Variants in DNAH8 observed in about 807,000 individuals in gnomAD.
The protein encoded by DNAH8 is axonemal beta dynein heavy chain 8.
A neutral mutation model predicts 562.1 loss-of-function variants in DNAH8; 382 were observed. The observed-to-expected ratio is 0.68, with a 90% CI of 0.63 to 0.74. The LOEUF is 0.74. Among genes scored for constraint, DNAH8 ranks in the 30% least tolerant of loss-of-function variants. The probability of loss-of-function intolerance (pLI) is 0.00; values close to 1 mark genes in which losing one functional copy is unlikely to be tolerated. For missense variants in DNAH8, 5,203 were observed against 5,620.4 expected (o/e 0.93, Z 2.37); for synonymous variants, 1,881 against 1,919.4 (o/e 0.98, Z 0.52).
At chr6:38,956,213 C>T (rs754960651) in intron 82 of DNAH8, among the ~76,000 whole-genome samples, 1 of 152,216 alleles carries the variant, frequency 6.6e-6, no homozygotes, top group Non-Finnish European at 1.5e-5. Flanking sequence ...ATGAAGGGCT[C>T]ATCAACCTCT....
chr6:38,940,510 G>T (rs1318332064), intron 79 of DNAH8, among the ~76,000 whole-genome samples: 1 of 152,126 alleles, frequency 6.6e-6, no homozygotes, highest in Non-Finnish European at 1.5e-5. Flanking sequence ...CACAACCAAG[G>T]TGTACTTCTC....
Position 38,875,650 on chromosome 6 carries a change from C to T in DNAH8, c.7680C>T (p.Val2560=), listed in dbSNP as rs6458080. Residue 2560 remains valine (V), a synonymous_variant, in exon 53 of 93, where the codon GTC becomes GTT. Coordinates refer to ENST00000327475, the MANE Select transcript of DNAH8 (RefSeq NM_001206927.2). ...AAGAAGAAGGCGGTGTTTCCTGTGT[C>T]GAACATCTTCATAAATTATTTGTGT... ...PSKEEGGVSC[V]EHLHKLFVFG... is the part of the protein sequence containing the mutation. 0.45 allele frequency: 720,022 copies of T among 1,611,602 alleles called. 167,200 individuals carry two copies. Among genetic ancestry groups the T allele is most frequent in the East Asian group, 0.82 (36,905 of 44,820 alleles).
chr6:38,772,645 T>A (rs986590700), intron 12 of DNAH8, among the ~76,000 whole-genome samples: 1 of 152,190 alleles, frequency 6.6e-6, no homozygotes, highest in African/African-American at 2.4e-5. Context: ...CTCTTATTTT[T>A]GGGTTATCTT....
chr6:38,768,410 G>C (rs1767230603), intron 11 of DNAH8, among the ~76,000 whole-genome samples: 2 of 151,884 alleles, frequency 1.3e-5, no homozygotes, highest in South Asian at 4.2e-4. Flanking sequence ...TGGGACCATG[G>C]GTGCATGCCA....
intron 85 of DNAH8, among the ~76,000 whole-genome samples, chr6:38,980,581 G>T (rs1763967306): frequency 6.6e-6 from 1 of 152,176 alleles, no homozygotes; most frequent in Admixed American, 6.5e-5. Context: ...AAATTCCTGG[G>T]AGAAGGGGTC....
At chr6:38,747,608 A>G (rs543618702) in intron 8 of DNAH8, among the ~76,000 whole-genome samples, 1 of 152,064 alleles carries the variant, frequency 6.6e-6, no homozygotes, top group African/African-American at 2.4e-5. Flanking sequence ...GCTGGTCTTG[A>G]ACTCCTGACC....
intron 82 of DNAH8, among the ~76,000 whole-genome samples, chr6:38,971,034 C>G (rs1763304102): frequency 6.6e-6 from 1 of 152,074 alleles, no homozygotes; most frequent in Non-Finnish European, 1.5e-5. Context: ...ACAGTTGCCC[C>G]TGAATGTACC....
intron 1 of DNAH8, among the ~76,000 whole-genome samples, chr6:38,719,562 G>GT (rs971297554): frequency 5.3e-5 from 8 of 151,898 alleles, no homozygotes; most frequent in South Asian, 2.1e-4. Flanking sequence ...GAGGACATGT[G>GT]TTTTTTTTAT....
chr6:38,856,807 A>G (rs2150399683), intron 41 of DNAH8, among the ~76,000 whole-genome samples: 1 of 152,086 alleles, frequency 6.6e-6, no homozygotes, highest in South Asian at 2.1e-4. Context: ...TTTTGGTCCA[A>G]ATGATGTTGG....
chr6:39,017,250 C>T (rs1406330825), intron 91 of DNAH8, among the ~76,000 whole-genome samples: 2 of 149,198 alleles, frequency 1.3e-5, no homozygotes, highest in African/African-American at 2.4e-5. Flanking sequence ...CAAAGGATGG[C>T]CCTGGTCTGT....
rs1554124108 is a variant in DNAH8 at position 38,874,038 on chromosome 6, TTTTCTTTC to T, written c.7620+686_7620+693del. On this transcript the variant is annotated intron_variant, in intron 52 of 92. Coordinates refer to ENST00000327475, the MANE Select transcript of DNAH8 (RefSeq NM_001206927.2). ...CCTCTTTCTTTCCCTTTTTCTTTTC[TTTTCTTTC>T]TTTCTTTCTTTCTTTCTTTCTTTTT... Among the ~76,000 whole-genome samples, 37 of 21,076 alleles carry T rather than the reference TTTTCTTTC, an allele frequency of 1.8e-3. 2 individuals carry two copies. The highest frequency in any genetic ancestry group is 4.9e-3 in the African/African-American group (33 of 6,750). The allele number at this position is 21,076 out of a possible 152,430, so 13.8% of individuals were successfully genotyped here. A position where few individuals can be genotyped will look rare whatever the true frequency, so the allele number is the denominator to read the frequency against.
chr6:38,785,139 T>A (rs1324024820), intron 17 of DNAH8, among the ~76,000 whole-genome samples: 1 of 152,208 alleles, frequency 6.6e-6, no homozygotes, highest in Non-Finnish European at 1.5e-5. Flanking sequence ...CTTTCGTGTT[T>A]TTTCACAAGT....
At chr6:38,728,410 C>T (rs548144415) in intron 3 of DNAH8, among the ~76,000 whole-genome samples, 1 of 152,126 alleles carries the variant, frequency 6.6e-6, no homozygotes, top group Non-Finnish European at 1.5e-5. Context: ...TGATTTTGGC[C>T]CATGATCTCA....
At chr6:38,908,231 G>A (rs1780629148) in intron 64 of DNAH8, 111 bp downstream of exon 64, 2 of 601,542 alleles carry the variant, frequency 3.3e-6, no homozygotes, top group African/African-American at 3.8e-5. Flanking sequence ...TTTTTACATT[G>A]AATTAAAATT....
At chr6:38,974,227 T>C in intron 84 of DNAH8, 147 bp from the exon 85 acceptor site, 1 of 651,760 alleles carries the variant, frequency 1.5e-6, no homozygotes, top group South Asian at 2.3e-5. Context: ...TATAACAATT[T>C]AATGCTAATA....
intron 31 of DNAH8, among the ~76,000 whole-genome samples, chr6:38,832,752 G>A (rs1023276319): frequency 6.6e-6 from 1 of 152,112 alleles, no homozygotes; most frequent in Non-Finnish European, 1.5e-5. Context: ...ATTTGTGTTG[G>A]GCTGCATTCA....
At chr6:38,804,785 G>GAGAGAGAA (rs1554215824) in intron 22 of DNAH8, among the ~76,000 whole-genome samples, 2 of 110,184 alleles carry the variant, frequency 1.8e-5, no homozygotes, top group Middle Eastern at 4.3e-3. Flanking sequence ...GAGAGAGAGA[G>GAGAGAGAA]AGAGAAAGAG....
At chr6:38,787,563 G>A (rs1282606607) in intron 18 of DNAH8, among the ~76,000 whole-genome samples, 1 of 151,868 alleles carries the variant, frequency 6.6e-6, no homozygotes, top group Non-Finnish European at 1.5e-5. Flanking sequence ...GGGTGTGGTG[G>A]TGCACGCTTG....
chr6:38,776,018 T>A, intron 13 of DNAH8, 67 bp downstream of exon 13: 6 of 955,430 alleles, frequency 6.3e-6, no homozygotes, highest in Non-Finnish European at 9.8e-6. Flanking sequence ...TCTGGTACTT[T>A]TTGTAAATAT....
Sources: allele counts gnomAD v4.1 joint callset (sites outside exome capture counted in the v4.1 genomes callset), GRCh38; gene constraint gnomAD v4.1.1; transcripts MANE v1.5; gene names NCBI Gene and HGNC (gene_info 2026-07-23, HGNC 2026-07-21).